Variants in NBPF3 observed in about 807,000 individuals in gnomAD.
The protein encoded by NBPF3 is NBPF family member NBPF3.
NBPF3 carries 57 observed loss-of-function variants against 78.1 expected under a neutral mutation model. The ratio of observed to expected loss-of-function variants is 0.73; its 90% CI spans 0.59 to 0.91. The LOEUF is 0.91. Among genes scored for constraint, NBPF3 ranks in the 40% least tolerant of loss-of-function variants. The pLI, the probability that NBPF3 is intolerant of heterozygous loss-of-function variation, is 0.00. For synonymous variants in NBPF3, 182 were observed against 271.7 expected (o/e 0.67, Z 3.25); for missense variants, 510 against 715.3 (o/e 0.71, Z 3.27).
rs760910552 is a variant in NBPF3 at position 21,471,589 on chromosome 1, ACT to A, written c.471_472del (p.Gln158GlyfsTer33). On this transcript the variant is annotated frameshift_variant, in exon 5 of 15. Transcript: ENST00000318249. LOFTEE classifies it high-confidence loss of function. ...CTTAGGCAATATAAAGTCCTGGTTCACTCTCAGGAACGAGAGCTGACCCAGTT... is the reference window on the plus strand; with the variant it reads ...CTTAGGCAATATAAAGTCCTGGTTCACTCAGGAACGAGAGCTGACCCAGTT... The A allele has an allele frequency of 1.6e-5, 25 of 1,611,808 alleles. No homozygotes were observed. The highest frequency in any genetic ancestry group is 2.2e-5 in the East Asian group (1 of 44,850).
Position 21,468,739 on chromosome 1 carries a change from G to T in NBPF3, c.185G>T (p.Gly62Val). 6.2e-7 allele frequency: 1 copy of T among 1,613,628 alleles called. No individual in the cohort carries two copies. Among genetic ancestry groups the T allele is most frequent in the Non-Finnish European group, 8.5e-7 (1 of 1,179,604 alleles). The change falls in exon 3 of 15, where the codon GGC becomes GTC. Residue 62 changes from glycine (G) to valine (V), a missense_variant. Physicochemically the swap from Gly to Val is moderately radical, Grantham distance 109. This residue lies in a region of NBPF3 where 440 missense variants were observed against 478.2 expected (regional missense o/e 0.92). Transcript: ENST00000318249. ...AACGTCAGCATGGTGGTATCTGCCG[G>T]CCCTTGGTCCGGTGAGAAGGCAGAG... ...ATNVSMVVSA[G>V]PWSGEKAEMN...
rs906509562 is a variant in NBPF3, at chr1:21,454,733, C to T, written c.133+9514C>T. Among the ~76,000 whole-genome samples the T allele has an allele frequency of 5.9e-5, 9 of 152,166 alleles. No individual in the cohort carries two copies. In the South Asian group the frequency reaches 6.2e-4, roughly 11 times the overall value. Reference sequence around the variant, plus strand: ...CAGCATACAGGCATCCCTCTCCCACCGTTTCCTTCTTGTCCCCACTCCAAA... The same window carrying T: ...CAGCATACAGGCATCCCTCTCCCACTGTTTCCTTCTTGTCCCCACTCCAAA... On this transcript the variant is annotated intron_variant, in intron 2 of 14. Coordinates refer to ENST00000318249, the MANE Select transcript of NBPF3 (RefSeq NM_032264.6).
intron 6 of NBPF3, 117 bp from the exon 7 acceptor site, chr1:21,473,263 T>C: frequency 1.6e-6 from 2 of 1,236,874 alleles, no homozygotes; most frequent in Non-Finnish European, 2.4e-6. Flanking sequence ...GGGATCCTCC[T>C]GTTTGCTTTC....
Position 21,478,226 on chromosome 1 carries a change from A to G in NBPF3, c.1075A>G (p.Met359Val). 2 of 1,614,178 alleles carry G rather than the reference A, an allele frequency of 1.2e-6. No individual in the cohort carries two copies. Among genetic ancestry groups the G allele is most frequent in the Non-Finnish European group, 1.7e-6 (2 of 1,180,030 alleles). Residue 359 changes from methionine to valine, a missense_variant, in exon 9 of 15, where the codon ATG (methionine) becomes GTG (valine). This residue lies in a region of NBPF3 where 440 missense variants were observed against 478.2 expected (regional missense o/e 0.92). Coordinates refer to ENST00000318249, the MANE Select transcript of NBPF3 (RefSeq NM_032264.6). ...TTGGACTCTCTCAATTCCTCCTGAC[A>G]TGTCTGCCTCATACCAGTCTGACAG... is the stretch of plus-strand genomic sequence containing the variant. Reference protein sequence around the residue: ...GDWTLSIPPDMSASYQSDRST... With the variant: ...GDWTLSIPPDVSASYQSDRST...
intron 7 of NBPF3, 133 bp downstream of exon 7, chr1:21,473,718 T>A (rs1642736792): frequency 2.5e-6 from 2 of 806,692 alleles, no homozygotes; most frequent in Admixed American, 2.3e-5. Flanking sequence ...ATCAAGGAGG[T>A]TTTCTGTCCT....
chr1:21,464,603 G>A (rs1313610952), intron 2 of NBPF3, among the ~76,000 whole-genome samples: 1 of 151,744 alleles, frequency 6.6e-6, no homozygotes, highest in Non-Finnish European at 1.5e-5. Flanking sequence ...GGTGAATTTT[G>A]TGATGTATAA....
intron 2 of NBPF3, among the ~76,000 whole-genome samples, chr1:21,462,647 CT>C (rs916583001): frequency 5.9e-5 from 9 of 152,210 alleles, no homozygotes; most frequent in Non-Finnish European, 1.3e-4. Context: ...AAGTGACACA[CT>C]GTTTCCTTGG....
chr1:21,475,797 G>T (rs183868978), intron 8 of NBPF3, among the ~76,000 whole-genome samples: 4 of 152,276 alleles, frequency 2.6e-5, no homozygotes, highest in African/African-American at 2.4e-5. Context: ...TCTGCTTGGT[G>T]CAGAGCTGAG....
chr1:21,450,741 C>T (rs1641261059), intron 2 of NBPF3, among the ~76,000 whole-genome samples: 1 of 31,476 alleles, frequency 3.2e-5, no homozygotes, highest in Non-Finnish European at 1.4e-3. Flanking sequence ...AACATCCACA[C>T]CAGGTGTGGT....
At position 21,471,755 on chromosome 1, in the gene NBPF3, A is replaced by G; in HGVS notation, c.633A>G (p.Ala211=). The part of the protein sequence containing the change: ...REQLAEGCRL[A]QHLVQKLSPE... ...AGCTGGCTGAGGGATGTAGGCTGGC[A>G]CAGCACCTCGTCCAAAAGCTCAGCC... The change falls in exon 5 of 15, where the codon GCA becomes GCG. Residue 211 remains alanine, a synonymous_variant. Coordinates refer to ENST00000318249, the MANE Select transcript of NBPF3 (RefSeq NM_032264.6). 6.2e-7 allele frequency: 1 copy of G among 1,613,024 alleles called. No homozygotes were observed. The highest frequency in any genetic ancestry group is 8.5e-7 in the Non-Finnish European group (1 of 1,179,824).
rs768454342 is a variant in NBPF3 at position 21,468,673 on chromosome 1, G to A, written c.134-15G>A. 2 of 1,612,802 alleles carry A rather than the reference G, an allele frequency of 1.2e-6. No individual in the cohort carries two copies. Among genetic ancestry groups the A allele is most frequent in the African/African-American group, 1.3e-5 (1 of 74,986 alleles). On this transcript the variant is annotated splice_polypyrimidine_tract_variant and intron_variant, in intron 2 of 14. Coordinates refer to ENST00000318249, the MANE Select transcript of NBPF3 (RefSeq NM_032264.6). ...AGTTTTTAACCCATCGTGTGTTTGG[G>A]TGTCTTCTCCCCAGTCCCTGGCCCC...
chr1:21,440,346 C>G lies in NBPF3; in HGVS notation c.-142C>G, dbSNP rs900708813. On this transcript the variant is annotated splice_region_variant and 5_prime_UTR_variant, in exon 1 of 15. Transcript: ENST00000318249. The stretch of plus-strand genomic sequence containing the variant: ...ACGGCGAAGTCCACCCAGCGTTTCT[C>G]AGGTGAGGGCGCCGCGCCAGGCTGG... The G allele has an allele frequency of 7.3e-5, 11 of 150,804 alleles. No homozygotes were observed. Among genetic ancestry groups the G allele is most frequent in the African/African-American group, 2.7e-4 (11 of 41,210 alleles). 9.3% of individuals were successfully genotyped at this position (150,804 alleles called of 1,614,324 possible). A position where few individuals can be genotyped will look rare whatever the true frequency, so the allele number is the denominator to read the frequency against.
At chr1:21,440,401 C>T (rs1325477420) in intron 1 of NBPF3, 53 bp downstream of exon 1, 1 of 149,610 alleles carries the variant, frequency 6.7e-6, no homozygotes, top group African/African-American at 2.5e-5. Flanking sequence ...CCGGCGGGCG[C>T]ACACCTGGGT....
At position 21,471,444 on chromosome 1, in the gene NBPF3, CAT is replaced by C. The variant is rs376251831; in HGVS notation, c.447-124_447-123del. On this transcript the variant is annotated intron_variant, in intron 4 of 14. Coordinates refer to ENST00000318249, the MANE Select transcript of NBPF3 (RefSeq NM_032264.6). ...TCTTGGGCACAGACATTTCTTTAAA[CAT>C]GTGCTGACCTTCTGCTTGGAGGTCT... is the stretch of plus-strand genomic sequence containing the variant. 3.2e-3 allele frequency: 4,663 copies of C among 1,466,170 alleles called. 8 individuals are homozygous for C. Among genetic ancestry groups the C allele is most frequent in the Non-Finnish European group, 4.0e-3 (4,283 of 1,067,524 alleles). 90.8% of individuals were successfully genotyped at this position (1,466,170 alleles called of 1,614,324 possible).
rs933287299 is a variant in NBPF3 at position 21,466,021 on chromosome 1, T to C, written c.134-2667T>C. ...GGGAAGTGGAAACACAGCTGCCCAC[T>C]CTACAGTATGGGTTGCCTTTGTGTC... is the stretch of plus-strand genomic sequence containing the variant. On this transcript the variant is annotated intron_variant, in intron 2 of 14. Transcript: ENST00000318249. 15 of 681,342 alleles carry C rather than the reference T, an allele frequency of 2.2e-5. No individual in the cohort carries two copies. In the African/African-American group the frequency reaches 2.7e-4, roughly 12 times the overall value. 42.2% of individuals were successfully genotyped at this position (681,342 alleles called of 1,614,324 possible).
At chr1:21,475,086 T>A in intron 8 of NBPF3, 135 bp downstream of exon 8, 1 of 754,062 alleles carries the variant, frequency 1.3e-6, no homozygotes, top group Non-Finnish European at 2.2e-6. Context: ...TTAACAATGT[T>A]GTACATTATT....
intron 2 of NBPF3, among the ~76,000 whole-genome samples, chr1:21,447,021 A>G (rs1325695988): frequency 2.6e-5 from 4 of 152,240 alleles, no homozygotes; most frequent in African/African-American, 4.8e-5. Context: ...GTGCACTTCA[A>G]TGCCAAGTAC....
chr1:21,471,726 G>C lies in NBPF3; in HGVS notation c.604G>C (p.Glu202Gln). ...CAACTCCCAGGGACGGGACCTCCGA[G>C]AACAGCTGGCTGAGGGATGTAGGCT... ...PDNSQGRDLREQLAEGCRLAQ... is the reference protein window; with the variant it reads ...PDNSQGRDLRQQLAEGCRLAQ... The change falls in exon 5 of 15, where the codon GAA (glutamate) becomes CAA (glutamine). Residue 202 changes from glutamate (E) to glutamine (Q), a missense_variant. Transcript: ENST00000318249. 1 of 1,613,526 alleles carries C rather than the reference G, an allele frequency of 6.2e-7. No individual in the cohort carries two copies. Among genetic ancestry groups the C allele is most frequent in the Non-Finnish European group, 8.5e-7 (1 of 1,179,884 alleles).
At chr1:21,469,806 G>A (rs954106561) in intron 3 of NBPF3, among the ~76,000 whole-genome samples, 1 of 152,138 alleles carries the variant, frequency 6.6e-6, no homozygotes, top group Non-Finnish European at 1.5e-5. Context: ...AAGAAGGATC[G>A]CACCCGAGAT....
Sources: gnomAD v4.1 joint callset for allele counts (sites outside exome capture counted in the v4.1 genomes callset) on GRCh38, gnomAD v4.1.1 for gene constraint, gnomAD v4.1.1 regional missense constraint, MANE v1.5 for transcripts, NCBI Gene and HGNC (gene_info 2026-07-23, HGNC 2026-07-21) for gene names.